ZC2HC1B: variants seen among roughly 807,000 people sequenced by gnomAD.
The protein encoded by ZC2HC1B is zinc finger C2HC domain-containing protein 1B.
Under a neutral mutation model 31.0 loss-of-function variants are expected in ZC2HC1B, and 36 were observed. The observed-to-expected ratio is 1.16, with a 90% confidence interval of 0.89 to 1.54. ZC2HC1B has a LOEUF of 1.54. Among genes scored for constraint, ZC2HC1B ranks in the 40% most tolerant of loss-of-function variants. The probability of loss-of-function intolerance (pLI) is 0.00; values close to 1 mark genes in which losing one functional copy is unlikely to be tolerated. For missense variants in ZC2HC1B, 260 were observed against 268.6 expected, an observed-to-expected ratio of 0.97 and a Z score of 0.22; for synonymous variants, 73 against 88.0, an observed-to-expected ratio of 0.83 and a Z score of 0.95.
chr6:143,885,937 C>T lies in ZC2HC1B; in HGVS notation c.91-95C>T. 2 of 1,355,158 alleles carry T rather than the reference C, an allele frequency of 1.5e-6. No individual in the cohort carries two copies. The highest frequency in any genetic ancestry group is 1.9e-6 in the Non-Finnish European group (2 of 1,040,476). 83.9% of individuals were successfully genotyped at this position (1,355,158 alleles called of 1,614,324 possible). A position where few individuals can be genotyped will look rare whatever the true frequency, so the allele number is the denominator to read the frequency against. ...AATGAACTAGGCTCTGAGGAGCAAA[C>T]ATAGTCCCTGGAGTGGGGGCTGTCT... On this transcript the variant is annotated intron_variant, in intron 2 of 7. Coordinates refer to ENST00000237275, the MANE Select transcript of ZC2HC1B (RefSeq NM_001013623.3). The surrounding 1 kb of genome is among the most constrained non-coding windows in gnomAD (Gnocchi z 4.2).
In ZC2HC1B at chr6:143,935,646, C is replaced by CTTTTTTTTTTTT. The variant is rs759896830; in HGVS notation, c.599-1986_599-1975dup. ...GTAGTTTAGGCCACTTGGTATCACT[C>CTTTTTTTTTTTT]TTTTTTTTTTTTTTTTTTTTTTTTT... On this transcript the variant is annotated intron_variant, in intron 6 of 7. Coordinates refer to ENST00000237275, the MANE Select transcript of ZC2HC1B (RefSeq NM_001013623.3). 1.8e-4 allele frequency among the ~76,000 whole-genome samples: 10 copies of CTTTTTTTTTTTT among 55,858 alleles called. 2 individuals carry two copies. Among genetic ancestry groups the CTTTTTTTTTTTT allele is most frequent in the African/African-American group, 2.7e-4 (4 of 14,832 alleles). 36.6% of individuals were successfully genotyped at this position (55,858 alleles called of 152,430 possible). A position where few individuals can be genotyped will look rare whatever the true frequency, so the allele number is the denominator to read the frequency against.
At chr6:143,874,058 C>T (rs1196292091) in intron 1 of ZC2HC1B, among the ~76,000 whole-genome samples, 1 of 152,114 alleles carries the variant, frequency 6.6e-6, no homozygotes, top group Non-Finnish European at 1.5e-5. Flanking sequence ...TTAACAGCAC[C>T]CAAGTCACCT....
chr6:143,897,035 T>G (rs927938820), intron 4 of ZC2HC1B, among the ~76,000 whole-genome samples: 1 of 152,110 alleles, frequency 6.6e-6, no homozygotes, highest in Admixed American at 6.6e-5. Flanking sequence ...AAATAAAGGA[T>G]AAGGCTACCA....
chr6:143,900,629 G>C (rs751914148), intron 5 of ZC2HC1B, among the ~76,000 whole-genome samples: 2 of 152,082 alleles, frequency 1.3e-5, no homozygotes, highest in Non-Finnish European at 2.9e-5. Flanking sequence ...GATTAATAGA[G>C]TTGTGTGGGA....
chr6:143,935,758 G>A (rs751546503), intron 6 of ZC2HC1B, among the ~76,000 whole-genome samples: 3 of 138,044 alleles, frequency 2.2e-5, no homozygotes, highest in Non-Finnish European at 4.5e-5. Flanking sequence ...GGGTACAAGT[G>A]ACCCTCTCAC....
intron 6 of ZC2HC1B, among the ~76,000 whole-genome samples, chr6:143,920,026 T>G (rs902615076): frequency 2.0e-5 from 3 of 152,186 alleles, no homozygotes; most frequent in South Asian, 4.1e-4. Flanking sequence ...ATTGTATGTG[T>G]ATTCATTTGG....
rs78587472 is a variant in ZC2HC1B, at chr6:143,923,155, C to CT, written c.599-14484dup. Among the ~76,000 whole-genome samples, 27 of 148,644 alleles carry CT rather than the reference C, an allele frequency of 1.8e-4. 1 individual carries two copies. Among genetic ancestry groups the CT allele is most frequent in the South Asian group, 6.4e-4 (3 of 4,668 alleles). ...TATACCTGTTGTCCATTTTTAAGTC[C>CT]TTTTTTTTTTCCCTGTAACCAGGGG... is the stretch of plus-strand genomic sequence containing the variant. On this transcript the variant is annotated intron_variant, in intron 6 of 7. Transcript: ENST00000237275. The surrounding 1 kb of genome is among the most constrained non-coding windows in gnomAD (Gnocchi z 4.8).
rs909021306 is a variant in ZC2HC1B, at chr6:143,915,133, G to A, written c.598+11981G>A. Among the ~76,000 whole-genome samples the A allele has an allele frequency of 1.3e-5, 2 of 152,106 alleles. No homozygotes were observed. The highest frequency in any genetic ancestry group is 4.8e-5 in the African/African-American group (2 of 41,408). On this transcript the variant is annotated intron_variant, in intron 6 of 7. Coordinates refer to ENST00000237275, the MANE Select transcript of ZC2HC1B (RefSeq NM_001013623.3). This position sits in a 1 kb window ranked among gnomAD's most constrained non-coding sequence, Gnocchi z 5.2. ...CCCAAATTTCATCTTGAATTCCCAC[G>A]TGTTGTGGGAGGGACCCAGTGGGAA... is the stretch of plus-strand genomic sequence containing the variant.
chr6:143,927,595 T>C (rs1778068233), intron 6 of ZC2HC1B, among the ~76,000 whole-genome samples: 1 of 151,760 alleles, frequency 6.6e-6, no homozygotes, highest in Admixed American at 6.6e-5. Flanking sequence ...ACTAGTGCTG[T>C]GATAAACATG....
Position 143,905,017 on chromosome 6 carries a change from A to G in ZC2HC1B, c.598+1865A>G, listed in dbSNP as rs1447116172. Among the ~76,000 whole-genome samples, 1 of 152,168 alleles carries G rather than the reference A, an allele frequency of 6.6e-6. No individual in the cohort carries two copies. Among genetic ancestry groups the G allele is most frequent in the East Asian group, 1.9e-4 (1 of 5,198 alleles). On this transcript the variant is annotated intron_variant, in intron 6 of 7. Transcript: ENST00000237275. This position sits in a 1 kb window ranked among gnomAD's most constrained non-coding sequence, Gnocchi z 4.2. ...TGACATCAGGAACTGTGAGTCCTCC[A>G]AGGTACAGCCAAGATTGTTTTGGCT...
intron 1 of ZC2HC1B, among the ~76,000 whole-genome samples, chr6:143,873,077 G>C (rs544092528): frequency 6.6e-6 from 1 of 152,254 alleles, no homozygotes; most frequent in African/African-American, 2.4e-5. Context: ...AAAATCAAAA[G>C]CAAGCTAGTT....
At chr6:143,925,606 G>A (rs1407097317) in intron 6 of ZC2HC1B, among the ~76,000 whole-genome samples, 3 of 138,870 alleles carry the variant, frequency 2.2e-5, no homozygotes, top group African/African-American at 5.5e-5. Flanking sequence ...GCGCGATCTC[G>A]TCTCGCCGCA....
intron 6 of ZC2HC1B, among the ~76,000 whole-genome samples, chr6:143,906,770 A>G (rs1015654844): frequency 7.4e-5 from 11 of 148,134 alleles, no homozygotes; most frequent in Non-Finnish European, 1.2e-4. Context: ...TTATTAGTCT[A>G]TCAAGCTAAT....
In ZC2HC1B at chr6:143,916,445, G is replaced by A. The variant is rs373653607; in HGVS notation, c.598+13293G>A. On this transcript the variant is annotated intron_variant, in intron 6 of 7. Coordinates refer to ENST00000237275, the MANE Select transcript of ZC2HC1B (RefSeq NM_001013623.3). Reference sequence around the variant, plus strand: ...CACACAGAGTCCCTACTGGGGCACCGTCTAGTGGAGCTGTGAGAAGAGGGC... The same window carrying A: ...CACACAGAGTCCCTACTGGGGCACCATCTAGTGGAGCTGTGAGAAGAGGGC... Among the ~76,000 whole-genome samples the A allele has an allele frequency of 2.6e-3, 398 of 152,328 alleles. 1 individual carries two copies. The highest frequency in any genetic ancestry group is 4.6e-3 in the Non-Finnish European group (310 of 68,024).
chr6:143,927,055 C>A (rs1384625151), intron 6 of ZC2HC1B, among the ~76,000 whole-genome samples: 2 of 151,564 alleles, frequency 1.3e-5, no homozygotes, highest in African/African-American at 4.9e-5. Context: ...GCCTCGGCCT[C>A]CCAAAGTGCT....
At chr6:143,897,869 T>C (rs1777685906) in intron 4 of ZC2HC1B, among the ~76,000 whole-genome samples, 1 of 152,226 alleles carries the variant, frequency 6.6e-6, no homozygotes, top group African/African-American at 2.4e-5. Context: ...TGCTTTTGAA[T>C]ATTCTGTGCC....
chr6:143,864,680 T>TTAAATC, intron 1 of ZC2HC1B, 113 bp downstream of exon 1: 1 of 1,180,446 alleles, frequency 8.5e-7, no homozygotes, highest in Non-Finnish European at 1.2e-6. Context: ...TGTGATCCGT[T>TTAAATC]TAAATCTAAG....
At chr6:143,898,749 G>T in intron 5 of ZC2HC1B, 58 bp downstream of exon 5, 1 of 1,540,780 alleles carries the variant, frequency 6.5e-7, no homozygotes, top group Non-Finnish European at 8.8e-7. Flanking sequence ...GGGGTGAGCC[G>T]GTAGAACTCC....
chr6:143,866,255 C>G (rs553081981), intron 1 of ZC2HC1B, among the ~76,000 whole-genome samples: 1 of 152,204 alleles, frequency 6.6e-6, no homozygotes, highest in Middle Eastern at 3.2e-3. Flanking sequence ...GCCAAAAATG[C>G]ATTTACTACA....
Sources: allele counts gnomAD v4.1 joint callset (sites outside exome capture counted in the v4.1 genomes callset), GRCh38; gene constraint gnomAD v4.1.1; non-coding constraint Gnocchi (gnomAD v3.1); transcripts MANE v1.5; gene names NCBI Gene and HGNC (gene_info 2026-07-23, HGNC 2026-07-21).